The following ATL2 variants were observed in gnomAD, a reference collection of about 807,000 sequenced individuals.
The protein encoded by ATL2 is atlastin GTPase 2, also known as atlastin-2.
In ATL2, 31 loss-of-function variants were observed where a neutral mutation model predicts 73.9. The observed-to-expected ratio is 0.42, with a 90% CI of 0.32 to 0.57. The LOEUF (loss-of-function observed/expected upper bound fraction) is 0.57, where lower values mean the gene tolerates loss of function less well. ATL2 is among the 20% of genes least tolerant of loss of function. The pLI is 0.14. For missense variants in ATL2, 738 were observed against 702.6 expected (o/e 1.05, Z -0.57); for synonymous variants, 291 against 237.5 (o/e 1.23, Z -2.07).
At chr2:38,299,118 C>A in intron 11 of ATL2, 138 bp downstream of exon 11, 1 of 710,820 alleles carries the variant, frequency 1.4e-6, no homozygotes, top group Non-Finnish European at 2.0e-6. Flanking sequence ...CCAGCAAAGA[C>A]CATAAAGGGG....
intron 12 of ATL2, chr2:38,296,403 C>A (rs1457320684): frequency 1.3e-6 from 2 of 1,535,258 alleles, no homozygotes; most frequent in Non-Finnish European, 1.8e-6. Flanking sequence ...TTTATGCAGA[C>A]CGGCCCAGAC....
rs58343546 is a variant in ATL2 at position 38,351,496 on chromosome 2, A to AT, written c.119-7985dup. ...AAAAAATTATACATATATATATTTA[A>AT]TTTTTTTTTTTTTTTGAGACAGAGT... On this transcript the variant is annotated intron_variant, in intron 1 of 12. Coordinates refer to ENST00000378954, the MANE Select transcript of ATL2 (RefSeq NM_001135673.4). Among the ~76,000 whole-genome samples, 728 of 143,708 alleles carry AT rather than the reference A, an allele frequency of 5.1e-3. 4 individuals are homozygous for AT. The highest frequency in any genetic ancestry group is 0.017 in the South Asian group (75 of 4,516). The allele number at this position is 143,708 out of a possible 152,430, so 94.3% of individuals were successfully genotyped here.
chr2:38,340,171 T>TTG (rs1669624374), intron 2 of ATL2, among the ~76,000 whole-genome samples: 4 of 17,074 alleles, frequency 2.3e-4, no homozygotes, highest in Non-Finnish European at 6.6e-4. Context: ...TTAGTTTTGG[T>TTG]GGGGGGGGGG....
chr2:38,333,708 T>C (rs932659275), intron 2 of ATL2, among the ~76,000 whole-genome samples: 2 of 152,174 alleles, frequency 1.3e-5, no homozygotes, highest in Non-Finnish European at 2.9e-5. Flanking sequence ...ATACATACAT[T>C]TGGGACTTAA....
intron 2 of ATL2, among the ~76,000 whole-genome samples, chr2:38,339,847 C>T (rs1351733765): frequency 2.6e-5 from 4 of 151,972 alleles, no homozygotes; most frequent in Admixed American, 6.6e-5. Context: ...CATGCCACCG[C>T]GCCCAGCTAA....
intron 9 of ATL2, among the ~76,000 whole-genome samples, chr2:38,305,253 G>A (rs1667386994): frequency 6.6e-6 from 1 of 152,212 alleles, no homozygotes; most frequent in South Asian, 2.1e-4. Context: ...AGAGGACCGG[G>A]CGCAGTGGCT....
At chr2:38,352,921 C>T (rs148594618) in intron 1 of ATL2, among the ~76,000 whole-genome samples, 1 of 152,230 alleles carries the variant, frequency 6.6e-6, no homozygotes, top group African/African-American at 2.4e-5. Flanking sequence ...CAGACCCACA[C>T]TAACGAAGTA....
chr2:38,324,177 C>A (rs549797141), intron 2 of ATL2, among the ~76,000 whole-genome samples: 1 of 152,180 alleles, frequency 6.6e-6, no homozygotes, highest in African/African-American at 2.4e-5. Context: ...ACTCGGGAGG[C>A]TGAGGCAGGA....
At chr2:38,345,329 C>A (rs925874561) in intron 1 of ATL2, among the ~76,000 whole-genome samples, 1 of 152,162 alleles carries the variant, frequency 6.6e-6, no homozygotes, top group South Asian at 2.1e-4. Context: ...ATCCACATAA[C>A]CAATATTCAC....
intron 2 of ATL2, among the ~76,000 whole-genome samples, chr2:38,326,473 C>CG (rs1668668504): frequency 6.6e-6 from 1 of 152,152 alleles, no homozygotes; most frequent in Non-Finnish European, 1.5e-5. Flanking sequence ...ACAACAGAAC[C>CG]AGACTCAGAT....
At chr2:38,300,231 A>T (rs1159093017) in intron 10 of ATL2, 41 bp downstream of exon 10, 1 of 1,460,264 alleles carries the variant, frequency 6.8e-7, no homozygotes. Flanking sequence ...TCCCTCATAA[A>T]TAAGTATATG....
chr2:38,327,771 A>G (rs369361061), intron 2 of ATL2, among the ~76,000 whole-genome samples: 1 of 152,168 alleles, frequency 6.6e-6, no homozygotes, highest in South Asian at 2.1e-4. Flanking sequence ...CCCCGTCTCT[A>G]TTCAAAATAC....
chr2:38,367,288 C>A (rs188536852), intron 1 of ATL2, among the ~76,000 whole-genome samples: 41 of 151,918 alleles, frequency 2.7e-4, no homozygotes, highest in African/African-American at 9.9e-4. Context: ...AAAAGAGATA[C>A]GAATAAACAA....
intron 1 of ATL2, among the ~76,000 whole-genome samples, chr2:38,359,164 A>C (rs1445348502): frequency 1.3e-5 from 2 of 152,210 alleles, no homozygotes; most frequent in Admixed American, 1.3e-4. Context: ...ATCCTAAAAT[A>C]GACTTTTAAA....
intron 2 of ATL2, among the ~76,000 whole-genome samples, chr2:38,320,769 G>A (rs1019891145): frequency 9.9e-5 from 15 of 152,230 alleles, no homozygotes; most frequent in African/African-American, 3.4e-4. Context: ...ATTAGGAGTG[G>A]AGAGATGGTT....
At chr2:38,362,856 T>C (rs910687735) in intron 1 of ATL2, among the ~76,000 whole-genome samples, 6 of 152,196 alleles carry the variant, frequency 3.9e-5, no homozygotes, top group Non-Finnish European at 7.4e-5. Flanking sequence ...GGAGTTGTCA[T>C]TGAAGACAGT....
chr2:38,317,698 T>C (rs1327610824), intron 4 of ATL2, among the ~76,000 whole-genome samples: 4 of 152,114 alleles, frequency 2.6e-5, no homozygotes, highest in South Asian at 2.1e-4. Context: ...CCTGGGTTTT[T>C]TGTTTGTTTT....
intron 4 of ATL2, among the ~76,000 whole-genome samples, chr2:38,316,597 A>G (rs1668037122): frequency 6.6e-6 from 1 of 152,128 alleles, no homozygotes; most frequent in Non-Finnish European, 1.5e-5. Flanking sequence ...GAAAATAATC[A>G]TAATCTTAAT....
At chr2:38,366,157 CCT>C (rs1348315545) in intron 1 of ATL2, among the ~76,000 whole-genome samples, 2 of 151,518 alleles carry the variant, frequency 1.3e-5, no homozygotes, top group Admixed American at 6.6e-5. Flanking sequence ...CCTTTTGTCC[CCT>C]CTTAGTTTGG....
Sources: gnomAD v4.1 joint callset for allele counts (sites outside exome capture counted in the v4.1 genomes callset) on GRCh38, gnomAD v4.1.1 for gene constraint, MANE v1.5 for transcripts, NCBI Gene and HGNC (gene_info 2026-07-23, HGNC 2026-07-21) for gene names.